PLEKHG5: variants seen among roughly 807,000 people sequenced by gnomAD.
The protein encoded by PLEKHG5 is pleckstrin homology domain-containing family G member 5.
PLEKHG5 carries 52 observed loss-of-function variants against 103.8 expected under a neutral mutation model. The observed-to-expected ratio is 0.50, with a 90% CI of 0.40 to 0.63. PLEKHG5 has a LOEUF of 0.63. Ranked by LOEUF, PLEKHG5 falls within the 30% of genes least tolerant of loss-of-function variation. The probability of loss-of-function intolerance (pLI) is 0.00; values close to 1 mark genes in which losing one functional copy is unlikely to be tolerated. For synonymous variants in PLEKHG5, 592 were observed against 575.5 expected (o/e 1.03, Z -0.41); for missense variants, 1,205 against 1,347.6 (o/e 0.89, Z 1.66).
chr1:6,470,017 C>A (rs770185776), intron 16 of PLEKHG5, among the ~76,000 whole-genome samples: 46 of 152,336 alleles, frequency 3.0e-4, no homozygotes, highest in Non-Finnish European at 5.9e-4. Context: ...CCACCAGGAA[C>A]CCATGTGGCA....
intron 12 of PLEKHG5, 99 bp downstream of exon 12, chr1:6,471,389 G>A: frequency 1.5e-6 from 2 of 1,344,274 alleles, no homozygotes; most frequent in African/African-American, 1.4e-5. Context: ...GGGCCTGGGG[G>A]AGGTTGGGGA....
Position 6,490,302 on chromosome 1 carries a change from G to T in PLEKHG5, c.-88+1335C>A, listed in dbSNP as rs186057231. The T allele has an allele frequency of 3.1e-5, 7 of 225,592 alleles. No individual in the cohort carries two copies. Among genetic ancestry groups the T allele is most frequent in the African/African-American group, 1.4e-4 (6 of 42,442 alleles). The allele number at this position is 225,592 out of a possible 1,614,324, so 14.0% of individuals were successfully genotyped here. ...CCACCCTCACGTAAATGGAGATACA[G>T]CTGGTGAGGACCCTGTACCCACCCA... is the stretch of plus-strand genomic sequence containing the variant. On this transcript the variant is annotated intron_variant, in intron 1 of 20. Transcript: ENST00000377728. The surrounding 1 kb of genome is among the most constrained non-coding windows in gnomAD (Gnocchi z 8.0).
chr1:6,478,026 G>A (rs572463929), intron 1 of PLEKHG5, among the ~76,000 whole-genome samples: 75 of 150,844 alleles, frequency 5.0e-4, no homozygotes, highest in African/African-American at 1.8e-3. Flanking sequence ...GATTACAGGC[G>A]CACACCACCA....
chr1:6,477,760 C>T, intron 1 of PLEKHG5, 102 bp from the exon 2 acceptor site: 1 of 1,279,306 alleles, frequency 7.8e-7, no homozygotes, highest in Non-Finnish European at 1.1e-6. Context: ...CCCTCCATCT[C>T]TCGATCCAGG....
At chr1:6,473,648 A>G (rs1223735958) in intron 7 of PLEKHG5, among the ~76,000 whole-genome samples, 194 bp from the exon 8 acceptor site, 1 of 152,046 alleles carries the variant, frequency 6.6e-6, no homozygotes, top group Admixed American at 6.5e-5. Flanking sequence ...CGCCCAGACT[A>G]TCATCCCCCA....
intron 1 of PLEKHG5, among the ~76,000 whole-genome samples, chr1:6,489,485 C>T (rs897732727): frequency 2.6e-5 from 4 of 152,226 alleles, no homozygotes; most frequent in African/African-American, 9.7e-5. Flanking sequence ...CCCCAGGGAG[C>T]GGTCCTGGCT....
At chr1:6,474,935 C>T in intron 5 of PLEKHG5, 112 bp downstream of exon 5, 1 of 808,590 alleles carries the variant, frequency 1.2e-6, no homozygotes, top group Non-Finnish European at 2.2e-6. Context: ...TGCGCTCGCT[C>T]ACGGGCCACC....
chr1:6,470,959 G>T, intron 13 of PLEKHG5, 31 bp downstream of exon 13: 1 of 1,561,762 alleles, frequency 6.4e-7, no homozygotes, highest in Non-Finnish European at 8.7e-7. Context: ...CCGTCCTCCT[G>T]CGCCCCCGCC....
intron 1 of PLEKHG5, among the ~76,000 whole-genome samples, chr1:6,502,131 A>G (rs945827471): frequency 5.3e-5 from 8 of 152,266 alleles, no homozygotes; most frequent in Admixed American, 2.6e-4. Context: ...AGCCTGGGGA[A>G]GGGCAAGATT....
At chr1:6,497,164 G>T, upstream of PLEKHG5, 1 of 935,760 alleles carries the variant, frequency 1.1e-6, no homozygotes, top group Non-Finnish European at 1.7e-6. The surrounding 1 kb of genome is among the most constrained non-coding windows in gnomAD (Gnocchi z 6.1). Flanking sequence ...GCCGAGGCAG[G>T]CCCCGACTTG....
At chr1:6,479,717 C>A (rs1326995657) in intron 1 of PLEKHG5, among the ~76,000 whole-genome samples, 1 of 151,930 alleles carries the variant, frequency 6.6e-6, no homozygotes, top group Non-Finnish European at 1.5e-5. Context: ...CTCAAGTAAT[C>A]CTCCTGCCTT....
In PLEKHG5 at chr1:6,467,495, G is replaced by A. The variant is rs886046496; in HGVS notation, c.*68C>T. The A allele has an allele frequency of 5.6e-5, 85 of 1,512,748 alleles. 1 individual carries two copies. In the Middle Eastern group the frequency reaches 6.8e-4, roughly 12 times the overall value. The allele number at this position is 1,512,748 out of a possible 1,614,324, so 93.7% of individuals were successfully genotyped here. A position where few individuals can be genotyped will look rare whatever the true frequency, so the allele number is the denominator to read the frequency against. ...GGAGGCAGTAGCTGAAGCAGGTGCC[G>A]GCACGCCCCAGGAGGCAGGCTGTCT... On this transcript the variant is annotated 3_prime_UTR_variant, in exon 21 of 21. Transcript: ENST00000377728.
Position 6,469,565 on chromosome 1 carries a change from A to T in PLEKHG5, c.1912T>A (p.Cys638Ser). Residue 638 changes from cysteine (C) to serine (S), a missense_variant, in exon 17 of 21, where the codon TGC becomes AGC. By Grantham distance (112) the Cys-to-Ser change is moderately radical. Transcript: ENST00000377728. ...RPPLLVDKIV[C>S]RELRDPGSFL... ...TTACCAGGGTCCCGTAGCTCCCGGC[A>T]CACAATCTTGTCCACGAGCAGGGGT... The T allele has an allele frequency of 6.2e-7, 1 of 1,613,866 alleles. No homozygotes were observed. The highest frequency in any genetic ancestry group is 8.5e-7 in the Non-Finnish European group (1 of 1,180,036).
chr1:6,491,774 G>T, upstream of PLEKHG5: 1 of 857,954 alleles, frequency 1.2e-6, no homozygotes, highest in Non-Finnish European at 1.4e-6. The surrounding 1 kb of genome is among the most constrained non-coding windows in gnomAD (Gnocchi z 4.1). Context: ...AAGCTGCAAG[G>T]GAACTCTGAA....
upstream of PLEKHG5, chr1:6,496,600 GC>G: frequency 6.7e-7 from 1 of 1,495,830 alleles, no homozygotes; most frequent in Non-Finnish European, 9.0e-7. Context: ...GCATCAGTCA[GC>G]GGGGCACCCA....
chr1:6,469,251 A>T lies in PLEKHG5; in HGVS notation c.2050-10T>A, dbSNP rs1365198904. ...GCTGTTGCAGCTGGTTCTGCAGGCA[A>T]GGTTGGGGTACATGGGACAGAATGG... On this transcript the variant is annotated splice_polypyrimidine_tract_variant and intron_variant, in intron 18 of 20. Transcript: ENST00000377728. 1.2e-6 allele frequency: 2 copies of T among 1,613,916 alleles called. No individual in the cohort carries two copies. Among genetic ancestry groups the T allele is most frequent in the East Asian group, 4.5e-5 (2 of 44,886 alleles).
chr1:6,473,441 CGGCGGCCAG>C lies in PLEKHG5; in HGVS notation c.596_604del (p.Pro199_Arg201del). On this transcript the variant is annotated inframe_deletion, in exon 8 of 21. Transcript: ENST00000377728. The stretch of plus-strand genomic sequence containing the variant: ...CAGGAACTCCGACATGTTCTTGCGG[CGGCGGCCAG>C]GGGCCTGGTCAGGGAAGGGTGGTCA... 1 of 1,532,740 alleles carries C rather than the reference CGGCGGCCAG, an allele frequency of 6.5e-7. No homozygotes were observed. Among genetic ancestry groups the C allele is most frequent in the Non-Finnish European group, 8.8e-7 (1 of 1,139,506 alleles). The allele number at this position is 1,532,740 out of a possible 1,614,324, so 94.9% of individuals were successfully genotyped here.
At chr1:6,504,522 G>A (rs531088721) in intron 1 of PLEKHG5, among the ~76,000 whole-genome samples, 13 of 151,880 alleles carry the variant, frequency 8.6e-5, no homozygotes, top group South Asian at 2.1e-4. Flanking sequence ...ATGCCCACCC[G>A]GCATCGTCCT....
At chr1:6,513,596 T>A (rs1309920246) in intron 1 of PLEKHG5, among the ~76,000 whole-genome samples, 1 of 152,178 alleles carries the variant, frequency 6.6e-6, no homozygotes, top group East Asian at 1.9e-4. Flanking sequence ...CTTTTAAACC[T>A]GGCCAGACAA....
Sources: gnomAD v4.1 joint callset for allele counts (sites outside exome capture counted in the v4.1 genomes callset) on GRCh38, gnomAD v4.1.1 for gene constraint, Gnocchi (gnomAD v3.1) non-coding constraint, MANE v1.5 for transcripts, NCBI Gene and HGNC (gene_info 2026-07-23, HGNC 2026-07-21) for gene names.